SNX29: variants seen among roughly 807,000 people sequenced by gnomAD.
SNX29 encodes sorting nexin 29, also known as sorting nexin-29.
A neutral mutation model predicts 102.1 loss-of-function variants in SNX29; 78 were observed. The observed-to-expected ratio is 0.76, with a 90% CI of 0.64 to 0.92. The LOEUF is 0.92. Ranked by LOEUF, SNX29 falls within the 40% of genes least tolerant of loss-of-function variation. The pLI is 0.00. For synonymous variants in SNX29, 580 were observed against 414.5 expected, an observed-to-expected ratio of 1.40 and a Z score of -4.85; for missense variants, 1,280 against 1,061.7, an observed-to-expected ratio of 1.21 and a Z score of -2.86.
chr16:12,540,066 T>TA (rs2077259912), intron 20 of SNX29, among the ~76,000 whole-genome samples: 1 of 152,244 alleles, frequency 6.6e-6, no homozygotes, highest in Non-Finnish European at 1.5e-5. Flanking sequence ...GATCATGCTT[T>TA]TGGTGTCATG....
intron 18 of SNX29, among the ~76,000 whole-genome samples, chr16:12,465,424 A>G (rs2087006027): frequency 6.6e-6 from 1 of 152,036 alleles, no homozygotes; most frequent in African/African-American, 2.4e-5. Flanking sequence ...CATTATTTTG[A>G]AGGTAGATAT....
At chr16:12,542,073 G>A (rs1055114456) in intron 20 of SNX29, among the ~76,000 whole-genome samples, 3 of 152,058 alleles carry the variant, frequency 2.0e-5, no homozygotes, top group Non-Finnish European at 4.4e-5. Context: ...TCACCAGTTA[G>A]TCCAAATCCT....
At chr16:12,041,547 C>G (rs1359425926) in intron 4 of SNX29, among the ~76,000 whole-genome samples, 1 of 152,240 alleles carries the variant, frequency 6.6e-6, no homozygotes, top group Non-Finnish European at 1.5e-5. Context: ...GTCAAGGTGA[C>G]AGCAGGGCTG....
At chr16:12,547,098 T>C (rs1016598435) in intron 20 of SNX29, among the ~76,000 whole-genome samples, 6 of 152,182 alleles carry the variant, frequency 3.9e-5, no homozygotes, top group Non-Finnish European at 8.8e-5. Context: ...GGTGGCGATT[T>C]CCAGTGAAAA....
intron 20 of SNX29, among the ~76,000 whole-genome samples, chr16:12,558,624 C>CT (rs2078524089): frequency 1.3e-5 from 2 of 152,200 alleles, no homozygotes; most frequent in Non-Finnish European, 2.9e-5. Flanking sequence ...AGTGCAGGCC[C>CT]CGAGCTTAAA....
chr16:12,551,575 C>T (rs892280232), intron 20 of SNX29, among the ~76,000 whole-genome samples: 2 of 152,194 alleles, frequency 1.3e-5, no homozygotes, highest in African/African-American at 4.8e-5. Flanking sequence ...GCCCTGCTTT[C>T]AAAAGGCTGG....
chr16:12,400,748 T>TA (rs2083907128), intron 17 of SNX29, among the ~76,000 whole-genome samples: 1 of 152,206 alleles, frequency 6.6e-6, no homozygotes, highest in Non-Finnish European at 1.5e-5. Context: ...ACATGTGATG[T>TA]AAAAAATCAA....
At chr16:12,359,110 T>G (rs546203091) in intron 16 of SNX29, among the ~76,000 whole-genome samples, 1 of 152,266 alleles carries the variant, frequency 6.6e-6, no homozygotes, top group East Asian at 1.9e-4. Context: ...GCATCAGAAG[T>G]GAGGGGCGGT....
At chr16:12,037,367 G>T (rs1199634601) in intron 4 of SNX29, among the ~76,000 whole-genome samples, 1 of 152,146 alleles carries the variant, frequency 6.6e-6, no homozygotes, top group Non-Finnish European at 1.5e-5. Context: ...GGCTCTGGTA[G>T]AACTTGTGCG....
intron 15 of SNX29, among the ~76,000 whole-genome samples, chr16:12,341,050 G>A (rs1480987579): frequency 6.6e-6 from 1 of 152,196 alleles, no homozygotes; most frequent in Non-Finnish European, 1.5e-5. Flanking sequence ...TTACAGTGAA[G>A]GAATATTGAT....
At chr16:12,343,888 C>A (rs186122258) in intron 15 of SNX29, among the ~76,000 whole-genome samples, 129 of 152,306 alleles carry the variant, frequency 8.5e-4, no homozygotes, top group Non-Finnish European at 1.1e-3. Context: ...GTGCATTTGA[C>A]CTCTTCTGTG....
intron 4 of SNX29, among the ~76,000 whole-genome samples, chr16:12,038,520 C>T (rs1315644015): frequency 6.6e-6 from 1 of 152,190 alleles, no homozygotes; most frequent in African/African-American, 2.4e-5. Context: ...CAAAGCAGAT[C>T]AGTGTATATC....
At chr16:12,480,980 T>G (rs1185823445) in intron 19 of SNX29, among the ~76,000 whole-genome samples, 15 of 152,136 alleles carry the variant, frequency 9.9e-5, no homozygotes, top group Admixed American at 9.2e-4. Flanking sequence ...AGGAGAGAAC[T>G]GAGTCTGCTT....
intron 15 of SNX29, among the ~76,000 whole-genome samples, chr16:12,293,274 G>A (rs559833484): frequency 1.2e-4 from 18 of 152,264 alleles, no homozygotes; most frequent in Non-Finnish European, 2.1e-4. Flanking sequence ...TAATCTTCAC[G>A]ACAACCTTGC....
At chr16:12,401,724 GAAGA>G (rs1452556074) in intron 17 of SNX29, among the ~76,000 whole-genome samples, 1 of 152,170 alleles carries the variant, frequency 6.6e-6, no homozygotes, top group Non-Finnish European at 1.5e-5. Context: ...GAATGCTCCA[GAAGA>G]AAGGGCTGTC....
intron 11 of SNX29, among the ~76,000 whole-genome samples, chr16:12,105,279 C>T (rs1399482621): frequency 7.4e-6 from 1 of 135,914 alleles, no homozygotes; most frequent in Non-Finnish European, 1.6e-5. Context: ...GGCTGGAGTG[C>T]AGGGTCATGA....
intron 6 of SNX29, among the ~76,000 whole-genome samples, chr16:12,046,753 G>C (rs913854649): frequency 3.7e-4 from 56 of 152,292 alleles, no homozygotes; most frequent in African/African-American, 1.3e-3. Flanking sequence ...CCGAGAAGCT[G>C]GGATTACGGG....
At chr16:12,004,937 G>T (rs1405444100) in intron 3 of SNX29, among the ~76,000 whole-genome samples, 2 of 152,176 alleles carry the variant, frequency 1.3e-5, no homozygotes, top group Admixed American at 1.3e-4. Context: ...GGGATGATTT[G>T]CTGTCTTGTT....
At chr16:12,367,046 T>TTGA (rs1251556463) in intron 16 of SNX29, 3 of 152,284 alleles carry the variant, frequency 2.0e-5, no homozygotes, top group Non-Finnish European at 4.4e-5. Flanking sequence ...CCATCTCCCC[T>TTGA]TCATCATCCA....
Sources: gnomAD v4.1 joint callset for allele counts (sites outside exome capture counted in the v4.1 genomes callset) on GRCh38, gnomAD v4.1.1 for gene constraint, MANE v1.5 for transcripts, NCBI Gene and HGNC (gene_info 2026-07-23, HGNC 2026-07-21) for gene names.